The following SHOX variants were observed in gnomAD, a reference collection of about 807,000 sequenced individuals.
The protein encoded by SHOX is SHOX homeobox, also known as short stature homeobox protein.
Under a neutral mutation model 29.6 loss-of-function variants are expected in SHOX, and 12 were observed. That is an observed-to-expected ratio of 0.41 (90% CI 0.26 to 0.66). The LOEUF (loss-of-function observed/expected upper bound fraction) is 0.66, where lower values mean the gene tolerates loss of function less well. Ranked by LOEUF, SHOX falls within the 30% of genes least tolerant of loss-of-function variation. SHOX has a pLI of 0.35. For missense variants in SHOX, 499 were observed against 437.7 expected, an observed-to-expected ratio of 1.14 and a Z score of -1.25; for synonymous variants, 214 against 200.6, an observed-to-expected ratio of 1.07 and a Z score of -0.57.
intron 2 of SHOX, 98 bp from the exon 3 acceptor site, chrX:640,723 T>G: frequency 7.3e-7 from 1 of 1,366,962 alleles, no homozygotes. Flanking sequence ...CTCCCAGAGG[T>G]GCAAAGTGCT....
At chrX:633,314 G>A (rs1480578293) in intron 1 of SHOX, among the ~76,000 whole-genome samples, 1 of 152,114 alleles carries the variant, frequency 6.6e-6, no homozygotes, top group East Asian at 1.9e-4. Context: ...TCAATTCCTG[G>A]GGTTCAGACT....
rs2053015914 is a variant in SHOX at position 649,212 on chromosome X, A to AT, written c.*4582dup. On this transcript the variant is annotated 3_prime_UTR_variant, in exon 5 of 5. Transcript: ENST00000686671. ...ACCACCATTCCCGGATAATTTTTGT[A>AT]TTTTTTAGTAGAGACCGGGTTTCGC... Among the ~76,000 whole-genome samples, 1 of 151,520 alleles carries AT rather than the reference A, an allele frequency of 6.6e-6. No homozygotes were observed. Among genetic ancestry groups the AT allele is most frequent in the Non-Finnish European group, 1.5e-5 (1 of 67,878 alleles).
At position 644,491 on chromosome X, in the gene SHOX, C is replaced by A. The variant is rs1319210411; in HGVS notation, c.734C>A (p.Pro245His). The A allele has an allele frequency of 1.3e-6, 2 of 1,523,384 alleles. No individual in the cohort carries two copies. The highest frequency in any genetic ancestry group is 1.4e-5 in the African/African-American group (1 of 70,702). 94.4% of individuals were successfully genotyped at this position (1,523,384 alleles called of 1,614,324 possible). A position where few individuals can be genotyped will look rare whatever the true frequency, so the allele number is the denominator to read the frequency against. Residue 245 changes from proline (P) to histidine (H), a missense_variant, in exon 5 of 5, where the codon CCC (proline) becomes CAC (histidine). Transcript: ENST00000686671. The part of the protein sequence containing the change: ...HAPYLMFPPP[P>H]FGLPIASLAE... ...CCCTACCTGATGTTCCCCCCGCCGC[C>A]CTTCGGGCTGCCCATCGCGTCGCTG...
At chrX:655,612 CTCTATATATATATATA>C (rs1396669837), downstream of SHOX, among the ~76,000 whole-genome samples, 156 of 15,672 alleles carry the variant, frequency 1.0e-2, no homozygotes, top group Admixed American at 0.026. Flanking sequence ...CTCTCTCTCT[CTCTATATATATATATA>C]TATATATATA....
chrX:657,083 C>CAA (rs1224553602), intron 5 of SHOX, among the ~76,000 whole-genome samples: 3,021 of 32,794 alleles, frequency 0.092, 767 homozygotes, highest in Admixed American at 0.14. Context: ...GACTCCGTCT[C>CAA]AAAAAAAAAA....
At chrX:632,136 G>A in intron 1 of SHOX, 1 of 382,410 alleles carries the variant, frequency 2.6e-6, no homozygotes, top group Admixed American at 2.9e-5. Flanking sequence ...AGCGGAGGTG[G>A]CCGGGATCTG....
chrX:643,156 G>A (rs1017119645), intron 4 of SHOX, among the ~76,000 whole-genome samples: 1 of 147,396 alleles, frequency 6.8e-6, no homozygotes, highest in South Asian at 2.2e-4. Context: ...TGTCCTGAAA[G>A]AGCCTTGGGG....
chrX:634,316 C>G (rs1212893465), intron 1 of SHOX, among the ~76,000 whole-genome samples: 8 of 148,596 alleles, frequency 5.4e-5, no homozygotes, highest in Non-Finnish European at 1.1e-4. Flanking sequence ...ATTTGACACC[C>G]CACTCTCCTT....
At chrX:625,922 T>C (rs1445738547), upstream of SHOX, among the ~76,000 whole-genome samples, 1 of 138,534 alleles carries the variant, frequency 7.2e-6, no homozygotes, top group Non-Finnish European at 1.6e-5. Flanking sequence ...TCTGTATCTC[T>C]ATCTCTGTCT....
downstream of SHOX, among the ~76,000 whole-genome samples, chrX:655,226 G>A (rs1398292842): frequency 1.3e-5 from 2 of 151,756 alleles, no homozygotes; most frequent in African/African-American, 4.8e-5. Flanking sequence ...TCCTGCCTCA[G>A]CCTCCCGAGT....
chrX:636,970 AT>A (rs1251736014), intron 2 of SHOX, among the ~76,000 whole-genome samples: 2 of 137,328 alleles, frequency 1.5e-5, no homozygotes, highest in African/African-American at 5.6e-5. Context: ...ATATATATAT[AT>A]TTTGGCTCCT....
chrX:654,248 G>A (rs1384606994), downstream of SHOX, among the ~76,000 whole-genome samples: 3 of 151,700 alleles, frequency 2.0e-5, no homozygotes, highest in Non-Finnish European at 4.4e-5. Flanking sequence ...ACCAGCCTGG[G>A]CAACATAGCG....
upstream of SHOX, among the ~76,000 whole-genome samples, chrX:629,783 GC>G (rs2052615055): frequency 6.6e-6 from 1 of 152,142 alleles, no homozygotes; most frequent in Non-Finnish European, 1.5e-5. Flanking sequence ...AAGGTCCTTG[GC>G]AGGAACCGTG....
Position 650,895 on chromosome X carries a change from A to T in SHOX, c.*6259A>T, listed in dbSNP as rs1160181049. ...TTCTTCGACACACGTGGGTAAGTTGATGCCATTTATAAATGTTTTATTGAA... is the reference window on the plus strand; with the variant it reads ...TTCTTCGACACACGTGGGTAAGTTGTTGCCATTTATAAATGTTTTATTGAA... On this transcript the variant is annotated 3_prime_UTR_variant, in exon 5 of 5. Coordinates refer to ENST00000686671, the MANE Select transcript of SHOX (RefSeq NM_000451.4). Among the ~76,000 whole-genome samples the T allele has an allele frequency of 6.7e-6, 1 of 149,886 alleles. No individual in the cohort carries two copies. The highest frequency in any genetic ancestry group is 2.0e-4 in the East Asian group (1 of 5,010).
At position 634,767 on chromosome X, in the gene SHOX, G is replaced by A. The variant is rs2052713591; in HGVS notation, c.427G>A (p.Asp143Asn). The part of the protein sequence containing the change: ...ERLFDETHYP[D>N]AFMREELSQR... The stretch of plus-strand genomic sequence containing the variant: ...ACTCTTCGACGAGACCCATTACCCC[G>A]ACGCCTTCATGCGCGAGGAGCTCAG... The change falls in exon 2 of 5, where the codon GAC (aspartate) becomes AAC (asparagine). Residue 143 changes from aspartate to asparagine, a missense_variant. Coordinates refer to ENST00000686671, the MANE Select transcript of SHOX (RefSeq NM_000451.4). The A allele has an allele frequency of 6.2e-7, 1 of 1,608,718 alleles. No individual in the cohort carries two copies. Among genetic ancestry groups the A allele is most frequent in the Non-Finnish European group, 8.5e-7 (1 of 1,177,724 alleles).
Position 644,624 on chromosome X carries a change from C to T in SHOX, c.867C>T (p.Ala289=). 2.7e-6 allele frequency: 4 copies of T among 1,497,272 alleles called. No homozygotes were observed. The highest frequency in any genetic ancestry group is 2.7e-6 in the Non-Finnish European group (3 of 1,130,688). 92.7% of individuals were successfully genotyped at this position (1,497,272 alleles called of 1,614,324 possible). ...TCAAGGCGCGGAAGCACGCGGAGGC[C>T]CTGGGGCTCTGACCCGCCGCGCAGC... The part of the protein sequence containing the change: ...LRLKARKHAE[A]LGL The change falls in exon 5 of 5, where the codon GCC becomes GCT. Residue 289 remains alanine, a synonymous_variant. Transcript: ENST00000686671.
chrX:634,338 T>C (rs766894543), intron 1 of SHOX, among the ~76,000 whole-genome samples: 1 of 146,386 alleles, frequency 6.8e-6, no homozygotes, highest in Admixed American at 6.9e-5. Flanking sequence ...AAAAAAAAAA[T>C]AAGAAAAAAA....
In SHOX at chrX:649,597, C is replaced by T. The variant is rs112095128; in HGVS notation, c.*4961C>T. On this transcript the variant is annotated 3_prime_UTR_variant, in exon 5 of 5. Transcript: ENST00000686671. ...CGTTCCTGCTTTCCCTGTGGCTTCC[C>T]GGTGAGCTCGCTCGCAGAGCAAGGA... Among the ~76,000 whole-genome samples, 390 of 152,260 alleles carry T rather than the reference C, an allele frequency of 2.6e-3. 2 individuals are homozygous for T. Among genetic ancestry groups the T allele is most frequent in the African/African-American group, 7.9e-3 (327 of 41,566 alleles).
chrX:635,471 C>T (rs1448327524), intron 2 of SHOX, among the ~76,000 whole-genome samples: 2 of 152,182 alleles, frequency 1.3e-5, no homozygotes, highest in Non-Finnish European at 2.9e-5. Context: ...CTATCTCCCT[C>T]CTCCCCTCTC....
Sources: gnomAD v4.1 joint callset for allele counts (sites outside exome capture counted in the v4.1 genomes callset) on GRCh38, gnomAD v4.1.1 for gene constraint, MANE v1.5 for transcripts, NCBI Gene and HGNC (gene_info 2026-07-23, HGNC 2026-07-21) for gene names.